The following COLQ variants were observed in gnomAD, a reference collection of about 807,000 sequenced individuals.
COLQ encodes the protein acetylcholinesterase collagenic tail peptide.
Under a neutral mutation model 69.0 loss-of-function variants are expected in COLQ, and 48 were observed. The observed-to-expected ratio is 0.70, with a 90% CI of 0.55 to 0.88. The LOEUF is 0.88. Among genes scored for constraint, COLQ ranks in the 40% least tolerant of loss-of-function variants. COLQ has a pLI of 0.00. For missense variants in COLQ, 618 were observed against 594.6 expected, an observed-to-expected ratio of 1.04 and a Z score of -0.41; for synonymous variants, 217 against 211.2, an observed-to-expected ratio of 1.03 and a Z score of -0.24.
intron 3 of COLQ, among the ~76,000 whole-genome samples, chr3:15,484,345 G>A (rs1381870212): frequency 6.6e-6 from 1 of 152,154 alleles, no homozygotes; most frequent in Non-Finnish European, 1.5e-5. Context: ...TGTGGTGGCT[G>A]GTACCAGTTG....
chr3:15,510,413 A>C (rs1021759867), intron 1 of COLQ, among the ~76,000 whole-genome samples: 6 of 152,012 alleles, frequency 3.9e-5, no homozygotes, highest in Non-Finnish European at 7.4e-5. Context: ...TGAAATATTA[A>C]GAAATTAAAC....
chr3:15,461,127 G>T (rs948911023), intron 12 of COLQ, among the ~76,000 whole-genome samples: 1 of 152,094 alleles, frequency 6.6e-6, no homozygotes, highest in Non-Finnish European at 1.5e-5. Flanking sequence ...GTACAGGAAG[G>T]ACTCAGCCAA....
intron 16 of COLQ, among the ~76,000 whole-genome samples, chr3:15,453,078 G>A (rs181485830): frequency 7.2e-5 from 11 of 152,318 alleles, no homozygotes; most frequent in African/African-American, 1.7e-4. Context: ...TCCTGAGAAC[G>A]TTGTACAACT....
chr3:15,510,299 G>A (rs551511656), intron 1 of COLQ, among the ~76,000 whole-genome samples: 1 of 152,286 alleles, frequency 6.6e-6, no homozygotes, highest in East Asian at 1.9e-4. Context: ...AGAGCAAACT[G>A]TATGTCAGGT....
intron 12 of COLQ, among the ~76,000 whole-genome samples, chr3:15,460,081 C>T (rs906680935): frequency 6.6e-6 from 1 of 152,130 alleles, no homozygotes; most frequent in African/African-American, 2.4e-5. Flanking sequence ...ACCTGGGATA[C>T]AATTTCATGG....
At chr3:15,511,749 C>T (rs56099008) in intron 1 of COLQ, among the ~76,000 whole-genome samples, 65,481 of 151,934 alleles carry the variant, frequency 0.43, 15,569 homozygotes, top group African/African-American at 0.62. Context: ...ATTTCATTTC[C>T]AGATGACCAC....
chr3:15,504,883 C>T (rs1005086347), intron 1 of COLQ, among the ~76,000 whole-genome samples: 9 of 152,104 alleles, frequency 5.9e-5, no homozygotes, highest in Non-Finnish European at 1.2e-4. Context: ...AAAACCAAAA[C>T]CAAAAGAAAT....
In COLQ at chr3:15,470,627, G is replaced by A. The variant is rs1261992680; in HGVS notation, c.637-11C>T. 1 of 1,613,858 alleles carries A rather than the reference G, an allele frequency of 6.2e-7. No homozygotes were observed. The highest frequency in any genetic ancestry group is 1.7e-5 in the Admixed American group (1 of 60,014). ...TGGACCCATTTCACCCTGGAAAGAAGGAAAGAGAAGCAAGAGAGGACTTAG... is the reference window on the plus strand; with the variant it reads ...TGGACCCATTTCACCCTGGAAAGAAAGAAAGAGAAGCAAGAGAGGACTTAG... On this transcript the variant is annotated splice_polypyrimidine_tract_variant and intron_variant, in intron 10 of 16. Transcript: ENST00000383788.
chr3:15,459,307 A>G (rs1327173453), intron 12 of COLQ, among the ~76,000 whole-genome samples: 2 of 152,148 alleles, frequency 1.3e-5, no homozygotes, highest in Non-Finnish European at 2.9e-5. Context: ...CTCCCTAGCA[A>G]TGTGGAAGAA....
chr3:15,456,694 G>T (rs2062030808), intron 13 of COLQ, 115 bp from the exon 14 acceptor site: 3 of 1,369,940 alleles, frequency 2.2e-6, no homozygotes, highest in East Asian at 4.8e-5. Flanking sequence ...TGGGAAGAGG[G>T]GTTTGCACAC....
chr3:15,471,602 A>C (rs1425221849), intron 10 of COLQ, among the ~76,000 whole-genome samples: 1 of 152,186 alleles, frequency 6.6e-6, no homozygotes, highest in Non-Finnish European at 1.5e-5. Context: ...CTGCCCAGAC[A>C]CTCAGAGAGA....
intron 11 of COLQ, among the ~76,000 whole-genome samples, chr3:15,468,487 T>G (rs1005361508): frequency 1.3e-5 from 2 of 152,032 alleles, no homozygotes; most frequent in Non-Finnish European, 2.9e-5. Context: ...TGTGCCACCA[T>G]GCCCAGCTAA....
At chr3:15,484,323 T>C (rs2062539175) in intron 3 of COLQ, among the ~76,000 whole-genome samples, 1 of 152,236 alleles carries the variant, frequency 6.6e-6, no homozygotes, top group Non-Finnish European at 1.5e-5. Context: ...TCTTTACCGT[T>C]TGGTATGATT....
chr3:15,487,367 C>T (rs1253399588), intron 3 of COLQ, among the ~76,000 whole-genome samples: 3 of 152,190 alleles, frequency 2.0e-5, no homozygotes, highest in Admixed American at 6.5e-5. Flanking sequence ...GAGATGGTCA[C>T]TGTGGCTGAG....
intron 1 of COLQ, among the ~76,000 whole-genome samples, chr3:15,515,589 C>T (rs1264154308): frequency 6.6e-6 from 1 of 152,154 alleles, no homozygotes; most frequent in Non-Finnish European, 1.5e-5. Context: ...GCAGACAGAT[C>T]ACAAGGTCAG....
chr3:15,474,312 C>T, intron 8 of COLQ, 40 bp from the exon 9 acceptor site: 1 of 1,603,706 alleles, frequency 6.2e-7, no homozygotes, highest in Non-Finnish European at 8.5e-7. Flanking sequence ...GAGTTAATAT[C>T]CTGGGAGGGA....
At chr3:15,474,339 A>T in intron 8 of COLQ, 67 bp from the exon 9 acceptor site, 1 of 1,531,938 alleles carries the variant, frequency 6.5e-7, no homozygotes, top group African/African-American at 1.4e-5. Flanking sequence ...AGCATTTCAA[A>T]CTGAAAAGCT....
At chr3:15,482,150 C>A (rs1444333475) in intron 3 of COLQ, among the ~76,000 whole-genome samples, 2 of 152,196 alleles carry the variant, frequency 1.3e-5, no homozygotes, top group Admixed American at 6.5e-5. Flanking sequence ...ACAATCATGT[C>A]ATCTGCAAAC....
At chr3:15,494,061 C>G (rs777768757) in intron 1 of COLQ, among the ~76,000 whole-genome samples, 2 of 152,170 alleles carry the variant, frequency 1.3e-5, no homozygotes, top group African/African-American at 4.8e-5. Flanking sequence ...GAAGAGGAAG[C>G]TCTTATCTTA....
Sources: allele counts gnomAD v4.1 joint callset (sites outside exome capture counted in the v4.1 genomes callset), GRCh38; gene constraint gnomAD v4.1.1; transcripts MANE v1.5; gene names NCBI Gene and HGNC (gene_info 2026-07-23, HGNC 2026-07-21).